VWC2: variants seen among roughly 807,000 people sequenced by gnomAD.
VWC2 encodes brorin.
VWC2 carries 14 observed loss-of-function variants against 29.8 expected under a neutral mutation model. The observed-to-expected ratio is 0.47, with a 90% CI of 0.31 to 0.74. The LOEUF (loss-of-function observed/expected upper bound fraction) is 0.74, where lower values mean the gene tolerates loss of function less well. Among genes scored for constraint, VWC2 ranks in the 30% least tolerant of loss-of-function variants. The pLI is 0.05. For missense variants in VWC2, 457 were observed against 459.8 expected, an observed-to-expected ratio of 0.99 and a Z score of 0.05; for synonymous variants, 213 against 199.0, an observed-to-expected ratio of 1.07 and a Z score of -0.59.
rs539106362 is a variant in VWC2 at position 49,788,765 on chromosome 7, TGA to T, written c.696+12640_696+12641del. Reference sequence around the variant, plus strand: ...GTGTGTGGATGTGGGTGTGGGGGTGTGAGAGAGGGTGTGTATGAGTGTGGGTG... The same window carrying T: ...GTGTGTGGATGTGGGTGTGGGGGTGTGAGAGGGTGTGTATGAGTGTGGGTG... On this transcript the variant is annotated intron_variant, in intron 2 of 3. Transcript: ENST00000340652. Among the ~76,000 whole-genome samples the T allele has an allele frequency of 1.6e-3, 227 of 139,776 alleles. 1 individual carries two copies. The highest frequency in any genetic ancestry group is 3.2e-3 in the African/African-American group (109 of 34,410). 91.7% of individuals were successfully genotyped at this position (139,776 alleles called of 152,430 possible).
At chr7:49,838,496 G>A (rs111507937) in intron 3 of VWC2, among the ~76,000 whole-genome samples, 6 of 151,880 alleles carry the variant, frequency 4.0e-5, no homozygotes, top group African/African-American at 7.3e-5. Context: ...GATGGGAGCC[G>A]GGAGGCTGCC....
intron 3 of VWC2, among the ~76,000 whole-genome samples, chr7:49,828,982 C>T (rs550967568): frequency 6.6e-5 from 10 of 152,296 alleles, no homozygotes; most frequent in African/African-American, 1.2e-4. Context: ...TTCCTTCCCA[C>T]GGAACCCACA....
intron 2 of VWC2, among the ~76,000 whole-genome samples, chr7:49,782,556 A>T (rs568582282): frequency 1.3e-5 from 2 of 151,546 alleles, no homozygotes; most frequent in East Asian, 3.9e-4. Context: ...AAAAAAAAAG[A>T]TAATGGGGCC....
chr7:49,891,388 G>C (rs1191512129), intron 3 of VWC2, among the ~76,000 whole-genome samples: 4 of 152,126 alleles, frequency 2.6e-5, no homozygotes, highest in Admixed American at 2.0e-4. Context: ...AATTATAATT[G>C]GAAGTTTTAT....
chr7:49,858,272 A>G (rs1790506229), intron 3 of VWC2, among the ~76,000 whole-genome samples: 1 of 152,156 alleles, frequency 6.6e-6, no homozygotes, highest in Non-Finnish European at 1.5e-5. Context: ...TTATTGTGGC[A>G]CTATTCACAA....
At chr7:49,909,544 G>A (rs1253878715) in intron 3 of VWC2, among the ~76,000 whole-genome samples, 1 of 152,126 alleles carries the variant, frequency 6.6e-6, no homozygotes, top group Middle Eastern at 3.2e-3. Flanking sequence ...GGGCCACTGG[G>A]TGGGGAGGGG....
At chr7:49,818,351 C>A (rs1789194511) in intron 3 of VWC2, among the ~76,000 whole-genome samples, 1 of 152,178 alleles carries the variant, frequency 6.6e-6, no homozygotes, top group Admixed American at 6.5e-5. Flanking sequence ...ACTCAGTGAT[C>A]CATTTTGGGT....
intron 3 of VWC2, among the ~76,000 whole-genome samples, chr7:49,824,385 C>A (rs901381826): frequency 3.3e-5 from 5 of 152,162 alleles, no homozygotes; most frequent in African/African-American, 1.2e-4. Flanking sequence ...AATCAATTCA[C>A]CATATGTGGG....
At chr7:49,792,199 G>A (rs75438093) in intron 2 of VWC2, among the ~76,000 whole-genome samples, 3,796 of 152,266 alleles carry the variant, frequency 0.025, 174 homozygotes, top group African/African-American at 0.086. Flanking sequence ...AGTCCCCCAT[G>A]GATACCAGCG....
chr7:49,878,505 T>C (rs919432967), intron 3 of VWC2, among the ~76,000 whole-genome samples: 12 of 152,214 alleles, frequency 7.9e-5, no homozygotes, highest in African/African-American at 2.9e-4. Context: ...TTGACTATTT[T>C]CTTTCAAAAC....
chr7:49,838,735 G>A (rs559922580), intron 3 of VWC2, among the ~76,000 whole-genome samples: 3 of 152,230 alleles, frequency 2.0e-5, no homozygotes, highest in South Asian at 4.1e-4. Context: ...GGACCTAAAA[G>A]TTTCCAGGAT....
At chr7:49,889,733 CT>C (rs1792051498) in intron 3 of VWC2, among the ~76,000 whole-genome samples, 1 of 152,118 alleles carries the variant, frequency 6.6e-6, no homozygotes, top group African/African-American at 2.4e-5. Context: ...GAAAAAAGAA[CT>C]TATTGGAAAT....
intron 3 of VWC2, among the ~76,000 whole-genome samples, chr7:49,883,421 A>G (rs775267555): frequency 2.8e-4 from 43 of 152,198 alleles, no homozygotes; most frequent in Non-Finnish European, 5.4e-4. Context: ...AAAAAGGTGA[A>G]TTATGTTCTC....
chr7:49,920,358 T>A lies in VWC2; in HGVS notation c.*8173T>A, dbSNP rs1349882415. On this transcript the variant is annotated 3_prime_UTR_variant, in exon 4 of 4. Transcript: ENST00000340652. The stretch of plus-strand genomic sequence containing the variant: ...TAAATTTTCCAGCTGGAAGGTCATC[T>A]TTCTATACATGCATGCATCTATACA... 3 of 152,226 alleles carry A rather than the reference T, an allele frequency of 2.0e-5. No homozygotes were observed. Among genetic ancestry groups the A allele is most frequent in the Non-Finnish European group, 4.4e-5 (3 of 68,042 alleles). 9.4% of individuals were successfully genotyped at this position (152,226 alleles called of 1,614,324 possible). A position where few individuals can be genotyped will look rare whatever the true frequency, so the allele number is the denominator to read the frequency against.
chr7:49,890,175 G>C (rs1444868808), intron 3 of VWC2, among the ~76,000 whole-genome samples: 1 of 152,128 alleles, frequency 6.6e-6, no homozygotes, highest in African/African-American at 2.4e-5. Flanking sequence ...TCTTAACAAT[G>C]AACAACTGCA....
intron 3 of VWC2, among the ~76,000 whole-genome samples, chr7:49,882,782 T>C (rs1791724490): frequency 6.6e-6 from 1 of 152,068 alleles, no homozygotes; most frequent in Non-Finnish European, 1.5e-5. Context: ...GATTCCCAAC[T>C]TTTTTTTCTA....
At chr7:49,858,912 T>C (rs1790537552) in intron 3 of VWC2, among the ~76,000 whole-genome samples, 1 of 152,196 alleles carries the variant, frequency 6.6e-6, no homozygotes, top group African/African-American at 2.4e-5. Context: ...TTCATCCACA[T>C]TGACAAAGGT....
intron 3 of VWC2, among the ~76,000 whole-genome samples, chr7:49,888,446 T>C (rs1562754191): frequency 6.6e-6 from 1 of 152,170 alleles, no homozygotes; most frequent in South Asian, 2.1e-4. Flanking sequence ...ATTAGTAATA[T>C]TGATTTTTTT....
chr7:49,792,953 G>T (rs1032710296), intron 2 of VWC2, among the ~76,000 whole-genome samples: 4 of 152,198 alleles, frequency 2.6e-5, no homozygotes, highest in African/African-American at 9.6e-5. Context: ...GCCTACCTGG[G>T]TCTCTAGATC....
Sources: gnomAD v4.1 joint callset for allele counts (sites outside exome capture counted in the v4.1 genomes callset) on GRCh38, gnomAD v4.1.1 for gene constraint, MANE v1.5 for transcripts, NCBI Gene and HGNC (gene_info 2026-07-23, HGNC 2026-07-21) for gene names.